The following DUSP15 variants were observed in gnomAD, a reference collection of about 807,000 sequenced individuals.
DUSP15 encodes the protein dual specificity phosphatase 15.
DUSP15 carries 23 observed loss-of-function variants against 26.3 expected under a neutral mutation model. The ratio of observed to expected loss-of-function variants is 0.87; its 90% CI spans 0.63 to 1.24. The LOEUF is 1.24. DUSP15 is among the 50% of genes most tolerant of loss of function. DUSP15 has a pLI of 0.00. For missense variants in DUSP15, 364 were observed against 320.6 expected (o/e 1.14, Z -1.03); for synonymous variants, 143 against 135.5 (o/e 1.06, Z -0.39).
downstream of DUSP15, among the ~76,000 whole-genome samples, chr20:31,860,872 T>C (rs1175252061): frequency 6.6e-6 from 1 of 151,974 alleles, no homozygotes; most frequent in Non-Finnish European, 1.5e-5. Flanking sequence ...AGGGGAGATG[T>C]TAGAGAAGGA....
At position 31,870,512 on chromosome 20, in the gene DUSP15, G is replaced by T; in HGVS notation, c.-175C>A. 1 of 1,416,096 alleles carries T rather than the reference G, an allele frequency of 7.1e-7. No homozygotes were observed. The highest frequency in any genetic ancestry group is 9.2e-7 in the Non-Finnish European group (1 of 1,087,732). The allele number at this position is 1,416,096 out of a possible 1,614,324, so 87.7% of individuals were successfully genotyped here. A position where few individuals can be genotyped will look rare whatever the true frequency, so the allele number is the denominator to read the frequency against. On this transcript the variant is annotated 5_prime_UTR_variant, in exon 1 of 7. Transcript: ENST00000339738. This position sits in a 1 kb window ranked among gnomAD's most constrained non-coding sequence, Gnocchi z 6.6. Reference sequence around the variant, plus strand: ...CCACCGCCACCGCCCGCCGACCCCCGGCCCGGGAGGGAAATGGTGGTGGAG... The same window carrying T: ...CCACCGCCACCGCCCGCCGACCCCCTGCCCGGGAGGGAAATGGTGGTGGAG...
At chr20:31,852,469 A>C (rs902465799) in intron 6 of DUSP15, among the ~76,000 whole-genome samples, 1 of 152,220 alleles carries the variant, frequency 6.6e-6, no homozygotes, top group Non-Finnish European at 1.5e-5. Context: ...CTCCAGGGGC[A>C]GGATGGTACC....
downstream of DUSP15, among the ~76,000 whole-genome samples, chr20:31,857,589 C>A (rs2062581636): frequency 6.6e-6 from 1 of 152,224 alleles, no homozygotes; most frequent in Non-Finnish European, 1.5e-5. Context: ...TCCCTCTCCT[C>A]CCCCACTTTA....
At chr20:31,848,660 T>C (rs2062407749) in intron 9 of DUSP15, 1 of 1,463,722 alleles carries the variant, frequency 6.8e-7, no homozygotes, top group Non-Finnish European at 9.1e-7. Context: ...GCCCCATCCC[T>C]ACCCCCATTT....
chr20:31,863,654 C>T (rs1257527155), intron 5 of DUSP15: 1 of 476,594 alleles, frequency 2.1e-6, no homozygotes, highest in East Asian at 3.7e-5. Flanking sequence ...ATCAGGTCAG[C>T]TTTCTTTTCC....
At chr20:31,862,390 A>T (rs944912487) in intron 6 of DUSP15, among the ~76,000 whole-genome samples, 181 bp downstream of exon 6, 1 of 152,148 alleles carries the variant, frequency 6.6e-6, no homozygotes, top group African/African-American at 2.4e-5. Flanking sequence ...GAAAAAGAAA[A>T]CACCTGGCTG....
intron 2 of DUSP15, among the ~76,000 whole-genome samples, chr20:31,869,271 G>A (rs113508502): frequency 2.6e-5 from 4 of 152,264 alleles, no homozygotes; most frequent in East Asian, 1.9e-4. Flanking sequence ...CCCAGGCCCC[G>A]AGCCCTTTGC....
intron 2 of DUSP15, among the ~76,000 whole-genome samples, chr20:31,867,910 G>T (rs545433608): frequency 6.6e-6 from 1 of 152,300 alleles, no homozygotes; most frequent in African/African-American, 2.4e-5. Context: ...CTCCCAAAGT[G>T]CTGGGATTAC....
chr20:31,869,916 A>G, intron 1 of DUSP15: 1 of 1,353,460 alleles, frequency 7.4e-7, no homozygotes, highest in Non-Finnish European at 9.5e-7. Flanking sequence ...GCAGGGATGG[A>G]AATTCTGGGG....
intron 2 of DUSP15, among the ~76,000 whole-genome samples, chr20:31,868,142 G>A (rs572575759): frequency 1.2e-4 from 18 of 152,296 alleles, no homozygotes; most frequent in East Asian, 1.9e-4. Context: ...TTCCTCATTC[G>A]ATGAGCATTT....
intron 8 of DUSP15, chr20:31,849,556 T>A (rs1356560294): frequency 8.8e-6 from 9 of 1,021,520 alleles, no homozygotes; most frequent in Non-Finnish European, 1.2e-5. Context: ...GGAAGCCGCG[T>A]GTGTTCAGCA....
At chr20:31,859,095 G>A (rs1179005540), downstream of DUSP15, among the ~76,000 whole-genome samples, 1 of 152,214 alleles carries the variant, frequency 6.6e-6, no homozygotes, top group African/African-American at 2.4e-5. Flanking sequence ...TGAGCTCAGA[G>A]AGGTTAAAGC....
rs1002388762 is a variant in DUSP15 at position 31,861,504 on chromosome 20, G to A, written c.607C>T (p.Arg203Cys). 12 of 1,528,800 alleles carry A rather than the reference G, an allele frequency of 7.8e-6. No individual in the cohort carries two copies. The highest frequency in any genetic ancestry group is 1.2e-5 in the South Asian group (1 of 82,832). The allele number at this position is 1,528,800 out of a possible 1,614,324, so 94.7% of individuals were successfully genotyped here. A position where few individuals can be genotyped will look rare whatever the true frequency, so the allele number is the denominator to read the frequency against. ...GGCCGGTGGGCTTCCCGGGGCGTGC[G>A]CGGCACCAGGCGCTGCACGGTTCCC... Reference protein sequence around the residue: ...SEGTVQRLVPRTPREAHRPLP... With the variant: ...SEGTVQRLVPCTPREAHRPLP... Residue 203 changes from arginine (R) to cysteine (C), a missense_variant, in exon 7 of 7, where the codon CGC becomes TGC. Transcript: ENST00000339738.
At position 31,861,132 on chromosome 20, in the gene DUSP15, C is replaced by A; in HGVS notation, c.*271G>T. 1 of 1,316,298 alleles carries A rather than the reference C, an allele frequency of 7.6e-7. No homozygotes were observed. The highest frequency in any genetic ancestry group is 9.6e-7 in the Non-Finnish European group (1 of 1,038,424). The allele number at this position is 1,316,298 out of a possible 1,614,324, so 81.5% of individuals were successfully genotyped here. A position where few individuals can be genotyped will look rare whatever the true frequency, so the allele number is the denominator to read the frequency against. ...CCCGTCAAACCCTCCACTCTCCCTC[C>A]CTCCCCTCCCGCCGCCTTTAAGGGT... On this transcript the variant is annotated 3_prime_UTR_variant, in exon 7 of 7. Coordinates refer to ENST00000339738, the MANE Select transcript of DUSP15 (RefSeq NM_080611.5).
chr20:31,867,622 G>A (rs2062795999), intron 2 of DUSP15, among the ~76,000 whole-genome samples: 1 of 140,178 alleles, frequency 7.1e-6, no homozygotes, highest in East Asian at 2.2e-4. Context: ...GTGCAATGAT[G>A]CCCACAATGT....
intron 9 of DUSP15, chr20:31,848,690 A>C: frequency 6.8e-7 from 1 of 1,463,534 alleles, no homozygotes; most frequent in East Asian, 2.5e-5. Context: ...GGTCCTACAG[A>C]CCCGAGGGTG....
intron 8 of DUSP15, chr20:31,849,494 C>T (rs1229958918): frequency 2.7e-6 from 2 of 732,410 alleles, no homozygotes; most frequent in Admixed American, 3.7e-5. Context: ...GTCCTTATGC[C>T]CCCGTTCCCA....
chr20:31,846,111 CACACAGAG>C (rs2062373760), downstream of DUSP15, among the ~76,000 whole-genome samples: 1 of 79,224 alleles, frequency 1.3e-5, no homozygotes, highest in Non-Finnish European at 2.4e-5. Flanking sequence ...CACGTACAGA[CACACAGAG>C]ACACACAGAC....
intron 7 of DUSP15, among the ~76,000 whole-genome samples, chr20:31,850,029 A>G (rs567209467): frequency 8.5e-5 from 13 of 152,210 alleles, no homozygotes; most frequent in Non-Finnish European, 1.5e-4. Flanking sequence ...GATGATAAGA[A>G]TTCTAGTAAT....
Sources: gnomAD v4.1 joint callset for allele counts (sites outside exome capture counted in the v4.1 genomes callset) on GRCh38, gnomAD v4.1.1 for gene constraint, Gnocchi (gnomAD v3.1) non-coding constraint, MANE v1.5 for transcripts, NCBI Gene and HGNC (gene_info 2026-07-23, HGNC 2026-07-21) for gene names.